Variants in PDE11A observed in about 807,000 individuals in gnomAD.
PDE11A encodes the protein phosphodiesterase 11A.
A neutral mutation model predicts 100.5 loss-of-function variants in PDE11A; 100 were observed. The ratio of observed to expected loss-of-function variants is 1.00; its 90% CI spans 0.85 to 1.18. The LOEUF (loss-of-function observed/expected upper bound fraction) is 1.18. Among genes scored for constraint, PDE11A ranks in the 50% most tolerant of loss-of-function variants. The pLI is 0.00. For synonymous variants in PDE11A, 381 were observed against 420.8 expected (o/e 0.91, Z 1.16); for missense variants, 1,141 against 1,152.6 (o/e 0.99, Z 0.15).
intron 6 of PDE11A, among the ~76,000 whole-genome samples, chr2:177,827,705 C>T (rs948571709): frequency 1.3e-5 from 2 of 152,152 alleles, no homozygotes; most frequent in Non-Finnish European, 2.9e-5. Context: ...AGATGATATA[C>T]TAAAGTGCAA....
chr2:178,062,048 A>C (rs914029527), intron 1 of PDE11A, among the ~76,000 whole-genome samples: 1 of 152,230 alleles, frequency 6.6e-6, no homozygotes, highest in African/African-American at 2.4e-5. Context: ...AGGCATGAGT[A>C]AAAGAAAGGA....
chr2:177,771,915 T>G (rs1201119397), intron 9 of PDE11A, among the ~76,000 whole-genome samples: 2 of 151,952 alleles, frequency 1.3e-5, no homozygotes, highest in Non-Finnish European at 2.9e-5. Context: ...GGCGGGAGAA[T>G]CGCTTGAACC....
rs1574384014 is a variant in PDE11A at position 178,072,406 on chromosome 2, A to G, written c.32T>C (p.Val11Ala). The G allele has an allele frequency of 6.2e-7, 1 of 1,613,394 alleles. No individual in the cohort carries two copies. The highest frequency in any genetic ancestry group is 2.2e-5 in the East Asian group (1 of 44,872). The change falls in exon 1 of 20, where the codon GTG becomes GCG. Residue 11 changes from valine to alanine, a missense_variant. Coordinates refer to ENST00000286063, the MANE Select transcript of PDE11A (RefSeq NM_016953.4). MAASRLDFGE[V>A]ETFLDRHPEL... is the part of the protein sequence containing the mutation. ...TGGGTGCCTGTCCAGGAAAGTTTCC[A>G]CCTCCCCAAAGTCCAGGCGGGAGGC...
At chr2:177,990,700 T>C (rs2085991770) in intron 2 of PDE11A, among the ~76,000 whole-genome samples, 1 of 149,710 alleles carries the variant, frequency 6.7e-6, no homozygotes, top group South Asian at 2.1e-4. Flanking sequence ...ATCGCACCAT[T>C]GCACTCCAGC....
At chr2:177,864,879 T>C (rs1574230356) in intron 5 of PDE11A, among the ~76,000 whole-genome samples, 1 of 152,194 alleles carries the variant, frequency 6.6e-6, no homozygotes, top group Non-Finnish European at 1.5e-5. Context: ...AAAGTAATCA[T>C]ACGGGTCATT....
chr2:178,078,024 T>A (rs2087229629), intron 2 of PDE11A, among the ~76,000 whole-genome samples: 1 of 152,134 alleles, frequency 6.6e-6, no homozygotes. Flanking sequence ...AGTCACCATG[T>A]TTGTGGTAAT....
intron 9 of PDE11A, among the ~76,000 whole-genome samples, chr2:177,803,311 A>C (rs1369562674): frequency 1.6e-5 from 2 of 123,678 alleles, no homozygotes; most frequent in Non-Finnish European, 3.5e-5. Context: ...ATCTCCTAAC[A>C]ACAACAACAA....
At position 178,048,348 on chromosome 2, in the gene PDE11A, C is replaced by T. The variant is rs574277362; in HGVS notation, c.912+23178G>A. Among the ~76,000 whole-genome samples, 409 of 152,028 alleles carry T rather than the reference C, an allele frequency of 2.7e-3. 2 individuals are homozygous for T. The highest frequency in any genetic ancestry group is 3.9e-3 in the Non-Finnish European group (263 of 67,974). On this transcript the variant is annotated intron_variant, in intron 1 of 19. Coordinates refer to ENST00000286063, the MANE Select transcript of PDE11A (RefSeq NM_016953.4). ...GTATTGGGATGGGGGGCTGGGGGCG[C>T]GGCATGAAAGAAAGAGTTCTCTCAA...
chr2:178,083,780 A>G (rs938194975), intron 2 of PDE11A, among the ~76,000 whole-genome samples: 7 of 152,264 alleles, frequency 4.6e-5, no homozygotes, highest in African/African-American at 1.7e-4. Flanking sequence ...AAATTTAGTG[A>G]CAGAAAACAG....
intron 12 of PDE11A, among the ~76,000 whole-genome samples, chr2:177,725,976 G>A: frequency 6.6e-6 from 1 of 152,078 alleles, no homozygotes; most frequent in East Asian, 1.9e-4. Flanking sequence ...CAAATAATGG[G>A]TTAAAAAGTT....
intron 1 of PDE11A, among the ~76,000 whole-genome samples, chr2:178,107,963 G>A (rs1003765550): frequency 3.9e-5 from 6 of 151,910 alleles, no homozygotes; most frequent in African/African-American, 7.2e-5. Context: ...CTCGTGATCC[G>A]CCTGCCACGG....
intron 2 of PDE11A, among the ~76,000 whole-genome samples, chr2:177,999,742 T>C (rs1440444761): frequency 6.6e-6 from 1 of 152,230 alleles, no homozygotes; most frequent in Non-Finnish European, 1.5e-5. Flanking sequence ...CTTCTGATGG[T>C]GTCAATTAAT....
intron 10 of PDE11A, among the ~76,000 whole-genome samples, chr2:177,753,647 T>A (rs1476508789): frequency 6.6e-6 from 1 of 151,860 alleles, no homozygotes; most frequent in Non-Finnish European, 1.5e-5. Flanking sequence ...GCATTTAGAA[T>A]ACCCACCCTA....
intron 2 of PDE11A, among the ~76,000 whole-genome samples, chr2:177,971,986 T>C (rs969584029): frequency 6.6e-6 from 1 of 152,204 alleles, no homozygotes; most frequent in Non-Finnish European, 1.5e-5. Context: ...TAGAGTCTCA[T>C]AAGAAAGTAA....
intron 6 of PDE11A, among the ~76,000 whole-genome samples, chr2:177,830,436 C>T (rs1349019273): frequency 6.6e-6 from 1 of 151,848 alleles, no homozygotes; most frequent in Non-Finnish European, 1.5e-5. Context: ...CCTGTCTCTG[C>T]TAAAAATACG....
At chr2:177,857,331 G>C (rs781290144) in intron 5 of PDE11A, among the ~76,000 whole-genome samples, 2 of 151,826 alleles carry the variant, frequency 1.3e-5, no homozygotes, top group Non-Finnish European at 2.9e-5. Flanking sequence ...AAAGATACTA[G>C]GGAGCAATCT....
chr2:177,728,116 G>C lies in PDE11A; in HGVS notation c.1845C>G (p.Asp615Glu). Residue 615 changes from aspartate to glutamate, a missense_variant, in exon 11 of 20, where the codon GAC (aspartate) becomes GAG (glutamate). Asp to Glu is a conservative substitution (Grantham distance 45). Coordinates refer to ENST00000286063, the MANE Select transcript of PDE11A (RefSeq NM_016953.4). ...ELAIDDIHFD[D>E]FSLDVDAMIT... ...TCATGGCATCAACGTCGAGAGAAAA[G>C]TCATCAAAATGAATGTCATCGATGG... The C allele has an allele frequency of 1.9e-6, 3 of 1,612,700 alleles. No homozygotes were observed. Among genetic ancestry groups the C allele is most frequent in the Non-Finnish European group, 2.5e-6 (3 of 1,178,864 alleles).
At chr2:177,743,285 A>G (rs1267825021) in intron 10 of PDE11A, among the ~76,000 whole-genome samples, 2 of 152,190 alleles carry the variant, frequency 1.3e-5, no homozygotes, top group African/African-American at 4.8e-5. Context: ...GCACCACACA[A>G]AGGTTAAATG....
At chr2:177,773,105 T>C (rs1315075196) in intron 9 of PDE11A, among the ~76,000 whole-genome samples, 2 of 152,088 alleles carry the variant, frequency 1.3e-5, no homozygotes, top group Non-Finnish European at 2.9e-5. Context: ...ACTGCAGCCT[T>C]GACCTCCCTG....
Sources: allele counts gnomAD v4.1 joint callset (sites outside exome capture counted in the v4.1 genomes callset), GRCh38; gene constraint gnomAD v4.1.1; transcripts MANE v1.5; gene names NCBI Gene and HGNC (gene_info 2026-07-23, HGNC 2026-07-21).